Variants in MYO5B observed in about 807,000 individuals in gnomAD.
MYO5B encodes the protein unconventional myosin-Vb.
MYO5B carries 143 observed loss-of-function variants against 229.3 expected under a neutral mutation model. The ratio of observed to expected loss-of-function variants is 0.62; its 90% CI spans 0.54 to 0.72. The LOEUF (loss-of-function observed/expected upper bound fraction) is 0.72. Among genes scored for constraint, MYO5B ranks in the 30% least tolerant of loss-of-function variants. MYO5B has a pLI of 0.00. For synonymous variants in MYO5B, 918 were observed against 885.2 expected, an observed-to-expected ratio of 1.04 and a Z score of -0.66; for missense variants, 2,321 against 2,331.0, an observed-to-expected ratio of 1.00 and a Z score of 0.09.
intron 1 of MYO5B, among the ~76,000 whole-genome samples, chr18:50,187,547 C>CA (rs1393673624): frequency 6.6e-6 from 1 of 151,902 alleles, no homozygotes; most frequent in Non-Finnish European, 1.5e-5. Flanking sequence ...GACAGGGTCT[C>CA]ACTCTGTCAC....
At chr18:49,914,156 C>T (rs1219692673) in intron 17 of MYO5B, among the ~76,000 whole-genome samples, 1 of 152,184 alleles carries the variant, frequency 6.6e-6, no homozygotes, top group Non-Finnish European at 1.5e-5. Context: ...AGAGCTAAAA[C>T]CACACTGTGA....
intron 1 of MYO5B, among the ~76,000 whole-genome samples, chr18:50,098,017 G>A (rs1336405931): frequency 1.3e-5 from 2 of 152,140 alleles, no homozygotes; most frequent in Non-Finnish European, 2.9e-5. Flanking sequence ...AGTCAGGAAA[G>A]GACAAGAATG....
intron 16 of MYO5B, among the ~76,000 whole-genome samples, chr18:49,934,697 A>T (rs999890451): frequency 5.3e-5 from 8 of 152,196 alleles, no homozygotes; most frequent in African/African-American, 1.4e-4. Flanking sequence ...CCCAGGGGGA[A>T]TTCCTAAGCA....
intron 1 of MYO5B, among the ~76,000 whole-genome samples, chr18:50,153,646 C>T (rs557538281): frequency 2.0e-5 from 3 of 152,246 alleles, no homozygotes; most frequent in East Asian, 1.9e-4. Flanking sequence ...GACAGGGTTT[C>T]GCCATGTTGG....
chr18:49,971,316 A>G (rs1271486358), intron 10 of MYO5B, among the ~76,000 whole-genome samples: 1 of 152,218 alleles, frequency 6.6e-6, no homozygotes, highest in African/African-American at 2.4e-5. Context: ...AAATGACCAC[A>G]TTAAAAAACA....
At chr18:50,055,083 A>G (rs1018473609) in intron 2 of MYO5B, among the ~76,000 whole-genome samples, 185 bp downstream of exon 2, 2 of 152,176 alleles carry the variant, frequency 1.3e-5, no homozygotes, top group Non-Finnish European at 2.9e-5. Flanking sequence ...TGACATCCAT[A>G]GAGCAGCTTC....
chr18:49,901,587 C>T (rs1261233664), intron 21 of MYO5B, among the ~76,000 whole-genome samples: 3 of 152,372 alleles, frequency 2.0e-5, no homozygotes, highest in East Asian at 3.9e-4. Context: ...ATTCTTCTTT[C>T]AGCCCTGTCA....
At chr18:50,024,596 G>GT (rs776430226) in intron 4 of MYO5B, among the ~76,000 whole-genome samples, 3 of 152,182 alleles carry the variant, frequency 2.0e-5, no homozygotes, top group African/African-American at 4.8e-5. Flanking sequence ...TCTTTTGGCT[G>GT]TAAGTACACT....
chr18:50,013,635 C>G (rs1054962577), intron 4 of MYO5B, among the ~76,000 whole-genome samples: 1 of 152,158 alleles, frequency 6.6e-6, no homozygotes, highest in African/African-American at 2.4e-5. Flanking sequence ...TCCTTTTATA[C>G]AGCACAGATG....
At chr18:50,090,490 T>C (rs914469405) in intron 1 of MYO5B, among the ~76,000 whole-genome samples, 1 of 152,048 alleles carries the variant, frequency 6.6e-6, no homozygotes, top group African/African-American at 2.4e-5. Flanking sequence ...CCTCCTTGAG[T>C]TGTCACCACA....
At chr18:49,907,444 T>A (rs116026568) in intron 18 of MYO5B, among the ~76,000 whole-genome samples, 1 of 152,156 alleles carries the variant, frequency 6.6e-6, no homozygotes, top group African/African-American at 2.4e-5. Flanking sequence ...GCTCACCCCT[T>A]TGGATGAGGA....
At chr18:49,937,702 A>C (rs1478480925) in intron 14 of MYO5B, among the ~76,000 whole-genome samples, 1 of 152,156 alleles carries the variant, frequency 6.6e-6, no homozygotes, top group Non-Finnish European at 1.5e-5. Flanking sequence ...CACACCTCAA[A>C]AAAATTATAC....
chr18:49,861,907 A>G (rs1009169747), intron 29 of MYO5B, among the ~76,000 whole-genome samples: 2 of 151,440 alleles, frequency 1.3e-5, no homozygotes, highest in African/African-American at 4.9e-5. Flanking sequence ...AATGTTTGCT[A>G]TTTTCACCAA....
intron 1 of MYO5B, among the ~76,000 whole-genome samples, chr18:50,154,386 T>C (rs2032648251): frequency 1.3e-5 from 2 of 152,216 alleles, no homozygotes; most frequent in Admixed American, 1.3e-4. Flanking sequence ...ACACTAAATC[T>C]GGCTCCTCTA....
At chr18:49,941,881 G>C (rs1319563094) in intron 14 of MYO5B, among the ~76,000 whole-genome samples, 1 of 140,998 alleles carries the variant, frequency 7.1e-6, no homozygotes, top group East Asian at 2.0e-4. Flanking sequence ...TCAATCCTAA[G>C]CCAAAAGAAC....
At chr18:49,974,676 A>C in intron 9 of MYO5B, 61 bp from the exon 10 acceptor site, 2 of 1,571,078 alleles carry the variant, frequency 1.3e-6, no homozygotes, top group South Asian at 2.3e-5. Flanking sequence ...CCCCCCACCA[A>C]TGTCTTCCAC....
intron 1 of MYO5B, among the ~76,000 whole-genome samples, chr18:50,108,532 G>A (rs2031804095): frequency 6.6e-6 from 1 of 152,118 alleles, no homozygotes; most frequent in South Asian, 2.1e-4. Flanking sequence ...TGATTGTACT[G>A]AAAATACCTG....
intron 4 of MYO5B, among the ~76,000 whole-genome samples, chr18:50,002,599 G>A (rs749401589): frequency 2.6e-5 from 4 of 152,126 alleles, no homozygotes; most frequent in Non-Finnish European, 4.4e-5. Context: ...GAGGACAAAC[G>A]TTTGGATCGC....
intron 1 of MYO5B, among the ~76,000 whole-genome samples, chr18:50,057,137 G>A (rs1568089441): frequency 6.6e-6 from 1 of 152,208 alleles, no homozygotes; most frequent in African/African-American, 2.4e-5. Context: ...AGCATTTGCT[G>A]ATCTTAACTG....
Sources: allele counts gnomAD v4.1 joint callset (sites outside exome capture counted in the v4.1 genomes callset), GRCh38; gene constraint gnomAD v4.1.1; transcripts MANE v1.5; gene names NCBI Gene and HGNC (gene_info 2026-07-23, HGNC 2026-07-21).